FMNL2: variants seen among roughly 807,000 people sequenced by gnomAD.
FMNL2 encodes formin-like protein 2.
A neutral mutation model predicts 130.2 loss-of-function variants in FMNL2; 51 were observed. The observed-to-expected ratio is 0.39, with a 90% CI of 0.31 to 0.49. FMNL2 has a LOEUF of 0.49. Ranked by LOEUF, FMNL2 falls within the 20% of genes least tolerant of loss-of-function variation. FMNL2 has a pLI of 0.85. For missense variants in FMNL2, 977 were observed against 1,316.2 expected, an observed-to-expected ratio of 0.74 and a Z score of 3.99; for synonymous variants, 465 against 467.1, an observed-to-expected ratio of 1.00 and a Z score of 0.06.
intron 1 of FMNL2, among the ~76,000 whole-genome samples, chr2:152,470,589 A>G (rs1689802793): frequency 6.6e-6 from 1 of 150,818 alleles, no homozygotes; most frequent in Non-Finnish European, 1.5e-5. Flanking sequence ...AATACGCTTA[A>G]TCAACCCATT....
At chr2:152,352,801 T>C (rs1397118906) in intron 1 of FMNL2, among the ~76,000 whole-genome samples, 1 of 152,100 alleles carries the variant, frequency 6.6e-6, no homozygotes, top group Non-Finnish European at 1.5e-5. Flanking sequence ...TTTGTTTTTT[T>C]AAATGCCCCT....
intron 6 of FMNL2, among the ~76,000 whole-genome samples, chr2:152,574,866 G>C (rs1696390468): frequency 1.3e-5 from 2 of 152,128 alleles, no homozygotes; most frequent in Admixed American, 1.3e-4. Flanking sequence ...GGGTCTCATT[G>C]GCTGTGTGAT....
chr2:152,390,262 G>A (rs1685034722), intron 1 of FMNL2: 27 of 1,447,286 alleles, frequency 1.9e-5, no homozygotes, highest in African/African-American at 7.0e-5. Context: ...CAGCACCTCC[G>A]GGTGGGGCTC....
At chr2:152,572,474 A>C (rs1452217274) in intron 6 of FMNL2, among the ~76,000 whole-genome samples, 1 of 152,074 alleles carries the variant, frequency 6.6e-6, no homozygotes, top group African/African-American at 2.4e-5. Context: ...TTGCTGTTTT[A>C]GGGTCAGTAA....
intron 1 of FMNL2, among the ~76,000 whole-genome samples, chr2:152,378,245 AT>A (rs1684279413): frequency 6.6e-6 from 1 of 152,220 alleles, no homozygotes; most frequent in Non-Finnish European, 1.5e-5. Context: ...ATATGCAAGT[AT>A]CTTTTTAAGT....
chr2:152,541,933 G>A (rs934470426), intron 2 of FMNL2, among the ~76,000 whole-genome samples: 1 of 152,076 alleles, frequency 6.6e-6, no homozygotes, highest in Non-Finnish European at 1.5e-5. Context: ...ACTGTTGCCT[G>A]TTCTGCTTTG....
intron 21 of FMNL2, among the ~76,000 whole-genome samples, chr2:152,634,697 T>C (rs548962006): frequency 6.6e-6 from 1 of 152,316 alleles, no homozygotes; most frequent in African/African-American, 2.4e-5. Flanking sequence ...CAAAGCTTCA[T>C]AGCCCAATTT....
intron 1 of FMNL2, among the ~76,000 whole-genome samples, chr2:152,391,972 A>G (rs1558822493): frequency 1.4e-5 from 2 of 143,744 alleles, no homozygotes; most frequent in Admixed American, 1.4e-4. Flanking sequence ...ATCTATTCAC[A>G]TCCTTATTCA....
chr2:152,438,124 A>G (rs1687863093), intron 1 of FMNL2, among the ~76,000 whole-genome samples: 1 of 152,252 alleles, frequency 6.6e-6, no homozygotes. Context: ...ACATGTGAAG[A>G]AAAGGAAAAA....
chr2:152,636,109 A>G (rs1682584256), intron 21 of FMNL2, among the ~76,000 whole-genome samples: 2 of 152,236 alleles, frequency 1.3e-5, no homozygotes, highest in African/African-American at 4.8e-5. Context: ...TGGGATTTAG[A>G]GTCCACATTT....
At chr2:152,468,697 T>C (rs938144626) in intron 1 of FMNL2, among the ~76,000 whole-genome samples, 1 of 152,214 alleles carries the variant, frequency 6.6e-6, no homozygotes, top group Non-Finnish European at 1.5e-5. Flanking sequence ...CTTTTTAATG[T>C]AGCTACTAGA....
chr2:152,605,000 C>G (rs891741015), intron 9 of FMNL2, among the ~76,000 whole-genome samples: 1 of 147,214 alleles, frequency 6.8e-6, no homozygotes, highest in African/African-American at 2.4e-5. Context: ...GCAAGAGATG[C>G]TTGTCTCTTT....
chr2:152,530,698 A>G (rs1248713862), intron 2 of FMNL2, among the ~76,000 whole-genome samples: 1 of 152,236 alleles, frequency 6.6e-6, no homozygotes, highest in African/African-American at 2.4e-5. Flanking sequence ...GCCCAGATAC[A>G]TACTGTTTCC....
chr2:152,449,799 G>C (rs1688533657), intron 1 of FMNL2, among the ~76,000 whole-genome samples: 1 of 152,198 alleles, frequency 6.6e-6, no homozygotes, highest in Non-Finnish European at 1.5e-5. Flanking sequence ...AGATACTGGT[G>C]TCAAACAGCT....
At chr2:152,621,625 T>G (rs1681311833) in intron 15 of FMNL2, among the ~76,000 whole-genome samples, 1 of 152,204 alleles carries the variant, frequency 6.6e-6, no homozygotes, top group East Asian at 1.9e-4. Context: ...AGGGATGTCT[T>G]GGAAGCATTA....
intron 9 of FMNL2, among the ~76,000 whole-genome samples, chr2:152,600,396 G>T (rs951514817): frequency 1.3e-5 from 2 of 152,198 alleles, no homozygotes; most frequent in African/African-American, 2.4e-5. Context: ...TAAGAGTCAG[G>T]CCTCAATTTG....
chr2:152,350,351 G>A (rs1444403526), intron 1 of FMNL2, among the ~76,000 whole-genome samples: 1 of 152,168 alleles, frequency 6.6e-6, no homozygotes, highest in Non-Finnish European at 1.5e-5. Context: ...TGGAGGCTCA[G>A]GAGTCTGTCC....
At chr2:152,432,624 T>C (rs1238957779) in intron 1 of FMNL2, among the ~76,000 whole-genome samples, 1 of 152,218 alleles carries the variant, frequency 6.6e-6, no homozygotes. Context: ...ATTCTGAGGA[T>C]AGACTTCCCT....
intron 12 of FMNL2, among the ~76,000 whole-genome samples, chr2:152,615,976 C>T (rs1314159167): frequency 6.6e-6 from 1 of 152,152 alleles, no homozygotes; most frequent in Non-Finnish European, 1.5e-5. Flanking sequence ...GCCGCTATGA[C>T]CCAGCTGGCA....
Sources: gnomAD v4.1 joint callset for allele counts (sites outside exome capture counted in the v4.1 genomes callset) on GRCh38, gnomAD v4.1.1 for gene constraint, MANE v1.5 for transcripts, NCBI Gene and HGNC (gene_info 2026-07-23, HGNC 2026-07-21) for gene names.